Variants in PHACTR3 observed in about 807,000 individuals in gnomAD.
The protein encoded by PHACTR3 is protein phosphatase 1, regulatory subunit 123.
Under a neutral mutation model 66.8 loss-of-function variants are expected in PHACTR3, and 16 were observed. The ratio of observed to expected loss-of-function variants is 0.24; its 90% CI spans 0.16 to 0.36. PHACTR3 has a LOEUF of 0.36. Among genes scored for constraint, PHACTR3 ranks in the 10% least tolerant of loss-of-function variants. PHACTR3 has a pLI of 1.00. For missense variants in PHACTR3, 647 were observed against 719.9 expected, an observed-to-expected ratio of 0.90 and a Z score of 1.16; for synonymous variants, 323 against 292.1, an observed-to-expected ratio of 1.11 and a Z score of -1.08.
chr20:59,795,466 A>C (rs996130683), intron 7 of PHACTR3, among the ~76,000 whole-genome samples: 3 of 151,670 alleles, frequency 2.0e-5, no homozygotes, highest in Admixed American at 6.6e-5. Flanking sequence ...CAGCTGCTGG[A>C]TAGAATGTTC....
At chr20:59,590,828 C>A (rs1459391010) in intron 1 of PHACTR3, among the ~76,000 whole-genome samples, 1 of 152,118 alleles carries the variant, frequency 6.6e-6, no homozygotes, top group African/African-American at 2.4e-5. Context: ...TACATCCTCA[C>A]AAGCAAAAGG....
chr20:59,640,057 G>A (rs1379092539), intron 1 of PHACTR3, among the ~76,000 whole-genome samples: 1 of 152,216 alleles, frequency 6.6e-6, no homozygotes, highest in Non-Finnish European at 1.5e-5. Flanking sequence ...GCTGTGAGGT[G>A]TGCAACAGGA....
intron 2 of PHACTR3, among the ~76,000 whole-genome samples, chr20:59,747,378 G>A (rs1292521654): frequency 2.6e-5 from 4 of 152,236 alleles, no homozygotes; most frequent in Non-Finnish European, 5.9e-5. Flanking sequence ...AAAGGAGCCC[G>A]GGGTGTTGGC....
At chr20:59,841,287 G>GTT (rs905680727) in intron 10 of PHACTR3, 108 bp from the exon 11 acceptor site, 77 of 1,173,100 alleles carry the variant, frequency 6.6e-5, no homozygotes, top group Non-Finnish European at 8.8e-5. Context: ...CCAGTTTCAG[G>GTT]TTTTTTTTGT....
chr20:59,692,778 G>A (rs369441428), intron 1 of PHACTR3, among the ~76,000 whole-genome samples: 1 of 152,140 alleles, frequency 6.6e-6, no homozygotes, highest in Non-Finnish European at 1.5e-5. Flanking sequence ...ATGACCTTGG[G>A]CAACTTACAA....
intron 1 of PHACTR3, among the ~76,000 whole-genome samples, chr20:59,580,256 G>C (rs1377594910): frequency 6.6e-6 from 1 of 152,138 alleles, no homozygotes; most frequent in Non-Finnish European, 1.5e-5. Flanking sequence ...ACCCAAGGAA[G>C]AACCAGGCTG....
Position 59,749,144 on chromosome 20 carries a change from G to T in PHACTR3, c.358+1309G>T, listed in dbSNP as rs529613930. Among the ~76,000 whole-genome samples the T allele has an allele frequency of 2.0e-4, 30 of 152,320 alleles. 1 individual carries two copies. The Middle Eastern group carries it at 0.017, about 86-fold the overall frequency. On this transcript the variant is annotated intron_variant, in intron 3 of 12. Coordinates refer to ENST00000371015, the MANE Select transcript of PHACTR3 (RefSeq NM_080672.5). The stretch of plus-strand genomic sequence containing the variant: ...TGACGCTCGGATTTGGCGGAATGCG[G>T]TTGCTGAGCTAGAAATCTGGAGGAT...
intron 1 of PHACTR3, among the ~76,000 whole-genome samples, chr20:59,591,566 G>A (rs1203088446): frequency 6.6e-6 from 1 of 152,128 alleles, no homozygotes; most frequent in African/African-American, 2.4e-5. Flanking sequence ...CATCATGGGG[G>A]CCAGGGCAAA....
chr20:59,608,449 C>G (rs1351702153), intron 1 of PHACTR3, among the ~76,000 whole-genome samples: 1 of 152,248 alleles, frequency 6.6e-6, no homozygotes, highest in African/African-American at 2.4e-5. Context: ...CCTGATCTTT[C>G]CTCCTTCAGA....
At chr20:59,837,228 T>G (rs1232220597) in intron 9 of PHACTR3, among the ~76,000 whole-genome samples, 1 of 152,254 alleles carries the variant, frequency 6.6e-6, no homozygotes, top group African/African-American at 2.4e-5. Flanking sequence ...ATCTAGTCAT[T>G]TTCAGTTTTT....
chr20:59,684,214 C>T (rs1264279297), intron 1 of PHACTR3, among the ~76,000 whole-genome samples: 13 of 152,168 alleles, frequency 8.5e-5, no homozygotes, highest in African/African-American at 2.9e-4. Context: ...AAGTAGTCTG[C>T]TCCTGAATAA....
intron 1 of PHACTR3, among the ~76,000 whole-genome samples, chr20:59,692,209 G>A (rs2037133501): frequency 1.3e-5 from 2 of 152,188 alleles, no homozygotes; most frequent in African/African-American, 2.4e-5. Context: ...AAGGAAGTGA[G>A]TGGTGTGAAA....
At chr20:59,729,673 G>A (rs571837421) in intron 1 of PHACTR3, among the ~76,000 whole-genome samples, 1 of 152,260 alleles carries the variant, frequency 6.6e-6, no homozygotes, top group East Asian at 1.9e-4. Context: ...GTCACCTGCT[G>A]TCAGCTGCTC....
At chr20:59,663,230 A>G (rs2035874728) in intron 1 of PHACTR3, among the ~76,000 whole-genome samples, 2 of 152,360 alleles carry the variant, frequency 1.3e-5, no homozygotes, top group Non-Finnish European at 2.9e-5. Context: ...TTAACGAATG[A>G]CATCTGCAAA....
rs531887351 is a variant in PHACTR3, at chr20:59,736,492, C to T, written c.119-6615C>T. 6.6e-6 allele frequency among the ~76,000 whole-genome samples: 1 copy of T among 152,078 alleles called. No individual in the cohort carries two copies. Among genetic ancestry groups the T allele is most frequent in the East Asian group, 1.9e-4 (1 of 5,162 alleles). On this transcript the variant is annotated intron_variant, in intron 1 of 12. Coordinates refer to ENST00000371015, the MANE Select transcript of PHACTR3 (RefSeq NM_080672.5). The surrounding 1 kb of genome is among the most constrained non-coding windows in gnomAD (Gnocchi z 4.6). ...TCCCACCCATGCAGGTGCACACCCACCCACGCCCATGCACACTGGCTCCGC... is the reference window on the plus strand; with the variant it reads ...TCCCACCCATGCAGGTGCACACCCATCCACGCCCATGCACACTGGCTCCGC...
intron 1 of PHACTR3, among the ~76,000 whole-genome samples, chr20:59,637,249 C>G (rs1454745395): frequency 6.6e-6 from 1 of 152,224 alleles, no homozygotes. Flanking sequence ...TCTGAGTCCT[C>G]AGGGTTCTCC....
chr20:59,716,993 C>CATGA (rs905836033), intron 1 of PHACTR3, among the ~76,000 whole-genome samples: 13 of 152,028 alleles, frequency 8.6e-5, no homozygotes, highest in African/African-American at 2.2e-4. Flanking sequence ...TAGTAAAATA[C>CATGA]ATGAATGAAT....
intron 4 of PHACTR3, among the ~76,000 whole-genome samples, chr20:59,764,689 G>A (rs2040120241): frequency 6.6e-6 from 1 of 152,186 alleles, no homozygotes; most frequent in Non-Finnish European, 1.5e-5. Flanking sequence ...CTTTGGAAAT[G>A]TGCTGGGTGA....
intron 1 of PHACTR3, among the ~76,000 whole-genome samples, chr20:59,737,188 T>C (rs1056605380): frequency 1.3e-5 from 2 of 152,146 alleles, no homozygotes; most frequent in Non-Finnish European, 2.9e-5. Flanking sequence ...CCCTGTCCTG[T>C]TCCCCACTGG....
Sources: gnomAD v4.1 joint callset for allele counts (sites outside exome capture counted in the v4.1 genomes callset) on GRCh38, gnomAD v4.1.1 for gene constraint, Gnocchi (gnomAD v3.1) non-coding constraint, MANE v1.5 for transcripts, NCBI Gene and HGNC (gene_info 2026-07-23, HGNC 2026-07-21) for gene names.